Variants in AGR2 observed in about 807,000 individuals in gnomAD.
AGR2 encodes anterior gradient protein 2 homolog.
A neutral mutation model predicts 25.9 loss-of-function variants in AGR2; 27 were observed. That is an observed-to-expected ratio of 1.04 (90% CI 0.77 to 1.44). AGR2 has a LOEUF of 1.44. Among genes scored for constraint, AGR2 ranks in the 40% most tolerant of loss-of-function variants. The pLI, the probability that AGR2 is intolerant of heterozygous loss-of-function variation, is 0.00. For synonymous variants in AGR2, 78 were observed against 72.0 expected, an observed-to-expected ratio of 1.08 and a Z score of -0.42; for missense variants, 182 against 200.9, an observed-to-expected ratio of 0.91 and a Z score of 0.57.
chr7:16,803,368 A>G (rs1785181596), intron 1 of AGR2, among the ~76,000 whole-genome samples: 1 of 152,166 alleles, frequency 6.6e-6, no homozygotes, highest in South Asian at 2.1e-4. Context: ...GCTAAAAAGG[A>G]AATATGAAAC....
intron 1 of AGR2, among the ~76,000 whole-genome samples, chr7:16,802,134 C>G (rs748827939): frequency 6.6e-6 from 1 of 151,958 alleles, no homozygotes; most frequent in Non-Finnish European, 1.5e-5. Flanking sequence ...TAAGTGAGCA[C>G]AGTGCAATAA....
Position 16,792,695 on chromosome 7 carries a change from C to A in AGR2, c.*213G>T. On this transcript the variant is annotated 3_prime_UTR_variant, in exon 8 of 8. Coordinates refer to ENST00000419304, the MANE Select transcript of AGR2 (RefSeq NM_006408.4). ...TATTTTTTTTTTTAGAAAATCATGG[C>A]TCACTATGGTAGTATACAATATTGT... 1 of 485,298 alleles carries A rather than the reference C, an allele frequency of 2.1e-6. No homozygotes were observed. Among genetic ancestry groups the A allele is most frequent in the Non-Finnish European group, 3.7e-6 (1 of 273,284 alleles). 30.1% of individuals were successfully genotyped at this position (485,298 alleles called of 1,614,324 possible). A position where few individuals can be genotyped will look rare whatever the true frequency, so the allele number is the denominator to read the frequency against.
At chr7:16,800,018 T>A (rs1426104095) in intron 4 of AGR2, among the ~76,000 whole-genome samples, 2 of 151,670 alleles carry the variant, frequency 1.3e-5, no homozygotes, top group African/African-American at 4.9e-5. Flanking sequence ...CATTCATCCA[T>A]TCATTCATCA....
At chr7:16,794,703 A>G in intron 7 of AGR2, 1 of 1,172,066 alleles carries the variant, frequency 8.5e-7, no homozygotes. Context: ...CCTCCTAGAG[A>G]AAAAGATACC....
intron 5 of AGR2, among the ~76,000 whole-genome samples, chr7:16,799,410 G>A (rs934453047): frequency 7.2e-5 from 11 of 152,130 alleles, no homozygotes; most frequent in Admixed American, 5.2e-4. Context: ...CTCTTCCCAA[G>A]AGATGACCAG....
rs147844314 is a variant in AGR2, at chr7:16,804,410, A to C, written c.-8+525T>G. Among the ~76,000 whole-genome samples, 15 of 152,322 alleles carry C rather than the reference A, an allele frequency of 9.8e-5. No homozygotes were observed. In the East Asian group the frequency reaches 2.7e-3, roughly 27 times the overall value. On this transcript the variant is annotated intron_variant, in intron 1 of 7. Coordinates refer to ENST00000419304, the MANE Select transcript of AGR2 (RefSeq NM_006408.4). ...TCCCTATTTGTAGATGCTTCAGGAA[A>C]GCAACCAGCTCTCTCCTCTAATAGC...
chr7:16,801,791 C>T lies in AGR2; in HGVS notation c.6G>A (p.Glu2=). 1 of 1,608,084 alleles carries T rather than the reference C, an allele frequency of 6.2e-7. No individual in the cohort carries two copies. The highest frequency in any genetic ancestry group is 8.5e-7 in the Non-Finnish European group (1 of 1,176,024). M[E]KIPVSAFLLL... is the part of the protein sequence containing the mutation. ...GCAAGAATGCTGACACTGGAATTTT[C>T]TCCATGGCAACTCTAGTATGGAAAA... The change falls in exon 2 of 8, where the codon GAG becomes GAA. Residue 2 remains glutamate, a synonymous_variant. Transcript: ENST00000419304.
rs1411633504 is a variant in AGR2, at chr7:16,792,751, C to G, written c.*157G>C. ...CACATGTACACTTGAAACCAAATTT[C>G]TAAAACTTGTTTTTCTTAAAAAATA... On this transcript the variant is annotated 3_prime_UTR_variant, in exon 8 of 8. Coordinates refer to ENST00000419304, the MANE Select transcript of AGR2 (RefSeq NM_006408.4). 1.4e-6 allele frequency: 1 copy of G among 710,564 alleles called. No individual in the cohort carries two copies. The highest frequency in any genetic ancestry group is 2.4e-6 in the Non-Finnish European group (1 of 418,020). 44.0% of individuals were successfully genotyped at this position (710,564 alleles called of 1,614,324 possible).
At chr7:16,793,538 C>T (rs2115350404) in intron 7 of AGR2, among the ~76,000 whole-genome samples, 1 of 152,270 alleles carries the variant, frequency 6.6e-6, no homozygotes, top group Middle Eastern at 3.4e-3. Context: ...AATTTTGGCT[C>T]ATTTAGAAGT....
At chr7:16,795,269 T>A (rs1785025461) in intron 6 of AGR2, among the ~76,000 whole-genome samples, 1 of 151,692 alleles carries the variant, frequency 6.6e-6, no homozygotes, top group Admixed American at 6.6e-5. Flanking sequence ...TTCTGTTCTA[T>A]CTATGGCAAC....
intron 7 of AGR2, 140 bp downstream of exon 7, chr7:16,794,796 G>T: frequency 6.5e-7 from 1 of 1,528,120 alleles, no homozygotes; most frequent in South Asian, 1.2e-5. Context: ...GAAGATGCAA[G>T]GCTAGTTAGG....
intron 5 of AGR2, 181 bp downstream of exon 5, chr7:16,799,563 A>G (rs1434756323): frequency 1.9e-6 from 1 of 533,374 alleles, no homozygotes; most frequent in Admixed American, 3.4e-5. Context: ...AAATAAAAAC[A>G]GACACACCAA....
intron 4 of AGR2, among the ~76,000 whole-genome samples, 182 bp downstream of exon 4, chr7:16,800,969 T>C (rs537885266): frequency 6.6e-6 from 1 of 152,362 alleles, no homozygotes; most frequent in Non-Finnish European, 1.5e-5. Flanking sequence ...TTTCAAAATA[T>C]GTACCAATGG....
At chr7:16,799,148 C>T (rs1343287255) in intron 5 of AGR2, among the ~76,000 whole-genome samples, 1 of 151,994 alleles carries the variant, frequency 6.6e-6, no homozygotes, top group Non-Finnish European at 1.5e-5. Flanking sequence ...ACTACTGGTG[C>T]GAAGTGGTCT....
At chr7:16,799,229 T>A (rs1785100436) in intron 5 of AGR2, among the ~76,000 whole-genome samples, 2 of 152,198 alleles carry the variant, frequency 1.3e-5, no homozygotes, top group Non-Finnish European at 2.9e-5. Flanking sequence ...TAGAGTCATT[T>A]TTTTGTTGGC....
At chr7:16,804,408 A>G (rs972131163) in intron 1 of AGR2, among the ~76,000 whole-genome samples, 4 of 152,186 alleles carry the variant, frequency 2.6e-5, no homozygotes, top group African/African-American at 9.6e-5. Context: ...ATGCTTCAGG[A>G]AAGCAACCAG....
At position 16,792,704 on chromosome 7, in the gene AGR2, G is replaced by T; in HGVS notation, c.*204C>A. 1 of 579,430 alleles carries T rather than the reference G, an allele frequency of 1.7e-6. No individual in the cohort carries two copies. The highest frequency in any genetic ancestry group is 2.3e-5 in the South Asian group (1 of 43,668). 35.9% of individuals were successfully genotyped at this position (579,430 alleles called of 1,614,324 possible). ...TTTTAGAAAATCATGGCTCACTATG[G>T]TAGTATACAATATTGTTTTCACACA... On this transcript the variant is annotated 3_prime_UTR_variant, in exon 8 of 8. Coordinates refer to ENST00000419304, the MANE Select transcript of AGR2 (RefSeq NM_006408.4).
At position 16,794,645 on chromosome 7, in the gene AGR2, C is replaced by T. The variant is rs1435566427; in HGVS notation, c.478+291G>A. 2.4e-5 allele frequency: 15 copies of T among 617,578 alleles called. No individual in the cohort carries two copies. In the East Asian group the frequency reaches 3.3e-4, roughly 14 times the overall value. The allele number at this position is 617,578 out of a possible 1,614,324, so 38.3% of individuals were successfully genotyped here. ...TTCTGTGATAGAAGGAGTGTGTGCT[C>T]GTGTACCTAACAGAAAACCTGAAAA... On this transcript the variant is annotated intron_variant, in intron 7 of 7. Coordinates refer to ENST00000419304, the MANE Select transcript of AGR2 (RefSeq NM_006408.4).
At chr7:16,800,910 T>G (rs567568228) in intron 4 of AGR2, among the ~76,000 whole-genome samples, 17 of 152,350 alleles carry the variant, frequency 1.1e-4, no homozygotes, top group South Asian at 8.3e-4. Flanking sequence ...GTATTGAATG[T>G]GGACTGTAAG....
Sources: gnomAD v4.1 joint callset for allele counts (sites outside exome capture counted in the v4.1 genomes callset) on GRCh38, gnomAD v4.1.1 for gene constraint, MANE v1.5 for transcripts, NCBI Gene and HGNC (gene_info 2026-07-23, HGNC 2026-07-21) for gene names.